Variants in ARHGEF4 observed in about 807,000 individuals in gnomAD.
ARHGEF4 encodes the protein Rho guanine nucleotide exchange factor 4.
ARHGEF4 carries 119 observed loss-of-function variants against 162.0 expected under a neutral mutation model. The observed-to-expected ratio is 0.73, with a 90% CI of 0.63 to 0.86. The LOEUF (loss-of-function observed/expected upper bound fraction) is 0.86. Among genes scored for constraint, ARHGEF4 ranks in the 40% least tolerant of loss-of-function variants. The probability of loss-of-function intolerance (pLI) is 0.00; values close to 1 mark genes in which losing one functional copy is unlikely to be tolerated. For missense variants in ARHGEF4, 2,488 were observed against 2,456.0 expected, an observed-to-expected ratio of 1.01 and a Z score of -0.28; for synonymous variants, 1,014 against 979.9, an observed-to-expected ratio of 1.03 and a Z score of -0.65.
intron 4 of ARHGEF4, among the ~76,000 whole-genome samples, chr2:131,008,009 C>T (rs527458473): frequency 6.6e-5 from 10 of 151,760 alleles, no homozygotes; most frequent in East Asian, 3.9e-4. Context: ...GACAGGGTTT[C>T]GCCATGTTGG....
At chr2:130,878,092 C>T (rs1559015419) in intron 1 of ARHGEF4, among the ~76,000 whole-genome samples, 1 of 152,174 alleles carries the variant, frequency 6.6e-6, no homozygotes, top group Non-Finnish European at 1.5e-5. Flanking sequence ...ATTACCTTTA[C>T]TTTCCTTAAA....
At chr2:130,890,445 C>T (rs1283790278) in intron 1 of ARHGEF4, among the ~76,000 whole-genome samples, 1 of 151,926 alleles carries the variant, frequency 6.6e-6, no homozygotes, top group Non-Finnish European at 1.5e-5. Flanking sequence ...GCCTGTAGTC[C>T]CAGGTACTTG....
At chr2:131,041,580 T>C in intron 9 of ARHGEF4, 118 bp downstream of exon 9, 1 of 1,194,398 alleles carries the variant, frequency 8.4e-7, no homozygotes, top group Admixed American at 2.4e-5. Context: ...CACAGAAAAC[T>C]AGCCCTGTCC....
chr2:130,866,457 C>A (rs1682287330), intron 1 of ARHGEF4, among the ~76,000 whole-genome samples: 2 of 152,186 alleles, frequency 1.3e-5, no homozygotes, highest in Admixed American at 6.5e-5. Flanking sequence ...GGTGCTACTT[C>A]CATGCTATGT....
chr2:130,939,098 C>G (rs570869051), intron 3 of ARHGEF4, among the ~76,000 whole-genome samples: 1 of 152,266 alleles, frequency 6.6e-6, no homozygotes, highest in South Asian at 2.1e-4. Context: ...TTGTTGTCTT[C>G]TTTGTGTCCA....
intron 5 of ARHGEF4, among the ~76,000 whole-genome samples, chr2:131,033,003 C>T (rs936858442): frequency 2.6e-5 from 4 of 151,932 alleles, no homozygotes; most frequent in African/African-American, 9.7e-5. Context: ...CAGGCACATG[C>T]CGCCACTCCT....
At chr2:130,976,958 G>A (rs1179758686) in intron 4 of ARHGEF4, among the ~76,000 whole-genome samples, 1 of 151,644 alleles carries the variant, frequency 6.6e-6, no homozygotes, top group African/African-American at 2.4e-5. Flanking sequence ...TATGTGTGGT[G>A]TGTTAGTGTG....
At position 130,871,895 on chromosome 2, in the gene ARHGEF4, CAAAT is replaced by C. The variant is rs376493659; in HGVS notation, c.39+34907_39+34910del. Among the ~76,000 whole-genome samples the C allele has an allele frequency of 2.1e-3, 325 of 152,300 alleles. 5 individuals are homozygous for C. The highest frequency in any genetic ancestry group is 7.2e-3 in the African/African-American group (301 of 41,566). ...TGGTTTTGAGGTTAATTCTTCCCCC[CAAAT>C]AAAGATCCATGGAACAGGGTGGGTG... On this transcript the variant is annotated intron_variant, in intron 1 of 13. Transcript: ENST00000409359.
intron 1 of ARHGEF4, among the ~76,000 whole-genome samples, chr2:130,900,538 T>G (rs1272069945): frequency 6.6e-6 from 1 of 152,228 alleles, no homozygotes; most frequent in Non-Finnish European, 1.5e-5. Flanking sequence ...CTATGATTTG[T>G]ATTTGCTTCC....
rs924351330 is a variant in ARHGEF4, at chr2:130,887,910, A to T, written c.40-26076A>T. ...TGTCACTCTTGCTCACATTTCATAG[A>T]CTAGACCTGAGTCCAGGGACATGGT... On this transcript the variant is annotated intron_variant, in intron 1 of 13. Coordinates refer to ENST00000409359, the MANE Select transcript of ARHGEF4 (RefSeq NM_001367493.1). 1.3e-5 allele frequency among the ~76,000 whole-genome samples: 2 copies of T among 152,056 alleles called. 1 individual carries two copies. The highest frequency in any genetic ancestry group is 1.3e-4 in the Admixed American group (2 of 15,278).
In ARHGEF4 at chr2:130,964,337, T is replaced by C. The variant is rs75438727; in HGVS notation, c.3985+17702T>C. On this transcript the variant is annotated intron_variant, in intron 4 of 13. Coordinates refer to ENST00000409359, the MANE Select transcript of ARHGEF4 (RefSeq NM_001367493.1). Reference sequence around the variant, plus strand: ...CCCCCCGCCCCCCTCCTGCCTTTCCTTCTCCTCCCTCACTTTCTGCCTGTC... The same window carrying C: ...CCCCCCGCCCCCCTCCTGCCTTTCCCTCTCCTCCCTCACTTTCTGCCTGTC... 2,837 of 788,868 alleles carry C rather than the reference T, an allele frequency of 3.6e-3. 84 individuals are homozygous for C. In the African/African-American group the frequency reaches 0.05, roughly 14 times the overall value. The allele number at this position is 788,868 out of a possible 1,614,324, so 48.9% of individuals were successfully genotyped here. A position where few individuals can be genotyped will look rare whatever the true frequency, so the allele number is the denominator to read the frequency against.
chr2:131,007,279 G>A (rs907419170), intron 4 of ARHGEF4, among the ~76,000 whole-genome samples: 2 of 152,142 alleles, frequency 1.3e-5, no homozygotes, highest in Admixed American at 1.3e-4. Context: ...GTCAGCCAGT[G>A]CTTAAGGGGA....
intron 4 of ARHGEF4, among the ~76,000 whole-genome samples, chr2:131,002,393 C>T (rs1687827310): frequency 6.6e-6 from 1 of 151,820 alleles, no homozygotes. Context: ...CTGGCTAACA[C>T]GGTGAAACCC....
At chr2:131,023,647 A>G (rs1386614807) in intron 4 of ARHGEF4, among the ~76,000 whole-genome samples, 1 of 152,224 alleles carries the variant, frequency 6.6e-6, no homozygotes, top group East Asian at 1.9e-4. Flanking sequence ...TCTCTGAGAC[A>G]TTGAGAGTAA....
At chr2:130,971,818 C>T (rs142447124) in intron 4 of ARHGEF4, among the ~76,000 whole-genome samples, 156 of 152,314 alleles carry the variant, frequency 1.0e-3, no homozygotes, top group Non-Finnish European at 3.4e-4. Flanking sequence ...GGCGAGGCGG[C>T]CACGCCAAGA....
chr2:130,908,697 T>TA (rs1223582907), intron 1 of ARHGEF4, among the ~76,000 whole-genome samples: 1,536 of 148,286 alleles, frequency 0.01, 27 homozygotes, highest in African/African-American at 0.037. Flanking sequence ...TAATAAAATT[T>TA]AAAAAAAAAA....
At chr2:131,045,579 T>C (rs751094402) in intron 13 of ARHGEF4, 133 bp downstream of exon 13, 2 of 1,598,564 alleles carry the variant, frequency 1.3e-6, no homozygotes, top group African/African-American at 1.3e-5. Context: ...TTGCAGCTGT[T>C]TGTTCCCAAA....
chr2:130,928,044 ATTTG>A (rs1244139229), intron 2 of ARHGEF4, among the ~76,000 whole-genome samples: 1 of 148,846 alleles, frequency 6.7e-6, no homozygotes, highest in East Asian at 2.0e-4. Context: ...TTTTTTCCCT[ATTTG>A]TTTATTTTGG....
intron 4 of ARHGEF4, among the ~76,000 whole-genome samples, chr2:130,991,931 A>G (rs1056600079): frequency 3.3e-5 from 5 of 152,216 alleles, no homozygotes; most frequent in African/African-American, 1.2e-4. Context: ...GACGTGGAGA[A>G]TCTTTATGTC....
Sources: allele counts gnomAD v4.1 joint callset (sites outside exome capture counted in the v4.1 genomes callset), GRCh38; gene constraint gnomAD v4.1.1; transcripts MANE v1.5; gene names NCBI Gene and HGNC (gene_info 2026-07-23, HGNC 2026-07-21).